The following MYO6 variants were observed in gnomAD, a reference collection of about 807,000 sequenced individuals.
MYO6 encodes unconventional myosin-VI.
A neutral mutation model predicts 178.7 loss-of-function variants in MYO6; 74 were observed. The observed-to-expected ratio is 0.41, with a 90% CI of 0.34 to 0.50. The LOEUF is 0.50. Ranked by LOEUF, MYO6 falls within the 20% of genes least tolerant of loss-of-function variation. MYO6 has a pLI of 0.09. For synonymous variants in MYO6, 477 were observed against 504.6 expected (o/e 0.95, Z 0.73); for missense variants, 1,330 against 1,547.4 (o/e 0.86, Z 2.36).
At chr6:75,851,439 T>G (rs948976769) in intron 11 of MYO6, among the ~76,000 whole-genome samples, 2 of 152,190 alleles carry the variant, frequency 1.3e-5, no homozygotes, top group African/African-American at 4.8e-5. Context: ...CCAAATGGTT[T>G]CTTTCTAATT....
At chr6:75,857,351 C>T in intron 13 of MYO6, 97 bp downstream of exon 13, 1 of 1,237,930 alleles carries the variant, frequency 8.1e-7, no homozygotes, top group Non-Finnish European at 1.2e-6. Flanking sequence ...ACTCATTTTA[C>T]TTGATGTATG....
chr6:75,783,702 G>A (rs1429539507), intron 1 of MYO6, among the ~76,000 whole-genome samples: 1 of 151,912 alleles, frequency 6.6e-6, no homozygotes, highest in Non-Finnish European at 1.5e-5. Flanking sequence ...CTTTATTAAT[G>A]CCTAGGATCC....
At chr6:75,789,749 A>G (rs1482967938) in intron 1 of MYO6, among the ~76,000 whole-genome samples, 1 of 152,192 alleles carries the variant, frequency 6.6e-6, no homozygotes. Flanking sequence ...TGTGGTAACA[A>G]CATTCAAAGT....
rs754218278 is a variant in MYO6 at position 75,784,776 on chromosome 6, C to CAAAAA, written c.-47-32702_-47-32698dup. 1.4e-3 allele frequency among the ~76,000 whole-genome samples: 75 copies of CAAAAA among 54,382 alleles called. 7 individuals carry two copies. Among genetic ancestry groups the CAAAAA allele is most frequent in the African/African-American group, 4.5e-3 (70 of 15,494 alleles). 35.7% of individuals were successfully genotyped at this position (54,382 alleles called of 152,430 possible). A position where few individuals can be genotyped will look rare whatever the true frequency, so the allele number is the denominator to read the frequency against. On this transcript the variant is annotated intron_variant, in intron 1 of 34. Transcript: ENST00000369977. ...TGGGCAACAGAGTGAGACTCCGTCT[C>CAAAAA]AAAAAAAAAAAAAAAAAAAAAAAAA...
Position 75,870,671 on chromosome 6 carries a change from A to G in MYO6, c.1969A>G (p.Lys657Glu). 6.2e-7 allele frequency: 1 copy of G among 1,612,338 alleles called. No homozygotes were observed. The highest frequency in any genetic ancestry group is 8.5e-7 in the Non-Finnish European group (1 of 1,179,238). Reference protein sequence around the residue: ...FKTQLNLLLDKLRSTGASFIR... With the variant: ...FKTQLNLLLDELRSTGASFIR... ...GACACAGTTAAATTTGCTTCTGGAT[A>G]AACTTCGAAGTACTGTGAGTATGCT... Residue 657 changes from lysine to glutamate, a missense_variant, in exon 19 of 35, where the codon AAA becomes GAA. Coordinates refer to ENST00000369977, the MANE Select transcript of MYO6 (RefSeq NM_004999.4).
intron 1 of MYO6, among the ~76,000 whole-genome samples, chr6:75,764,337 TCC>T (rs1242865992): frequency 6.6e-6 from 1 of 152,184 alleles, no homozygotes; most frequent in Non-Finnish European, 1.5e-5. Context: ...CCCAAACGTG[TCC>T]CCATTCTCCT....
chr6:75,816,608 G>A (rs533196460), intron 1 of MYO6, among the ~76,000 whole-genome samples: 1 of 152,164 alleles, frequency 6.6e-6, no homozygotes, highest in South Asian at 2.1e-4. Context: ...TTACCTCAGT[G>A]GAAAATAAGA....
At chr6:75,880,210 T>G (rs1777901223) in intron 22 of MYO6, 90 bp downstream of exon 22, 6 of 1,001,218 alleles carry the variant, frequency 6.0e-6, no homozygotes, top group Non-Finnish European at 9.0e-6. Context: ...ATAATTTGTA[T>G]TATTCTTGAA....
At chr6:75,910,893 C>G (rs1780709347) in intron 32 of MYO6, among the ~76,000 whole-genome samples, 1 of 151,948 alleles carries the variant, frequency 6.6e-6, no homozygotes, top group Admixed American at 6.6e-5. Flanking sequence ...AGGAACAATT[C>G]ATTAATTTGA....
chr6:75,861,931 C>T (rs1776244794), intron 15 of MYO6, among the ~76,000 whole-genome samples: 1 of 152,156 alleles, frequency 6.6e-6, no homozygotes, highest in Non-Finnish European at 1.5e-5. Context: ...TCACCTCATG[C>T]TACATCTATC....
At chr6:75,887,291 G>T (rs1380758225) in intron 25 of MYO6, among the ~76,000 whole-genome samples, 2 of 152,130 alleles carry the variant, frequency 1.3e-5, no homozygotes, top group Non-Finnish European at 2.9e-5. Flanking sequence ...ACCCACCATG[G>T]CACACGTTTA....
In MYO6 at chr6:75,778,472, C is replaced by T. The variant is rs188287949; in HGVS notation, c.-48+29049C>T. 7.4e-4 allele frequency among the ~76,000 whole-genome samples: 113 copies of T among 152,120 alleles called. 1 individual carries two copies. The East Asian group carries it at 0.019, about 26-fold the overall frequency. The stretch of plus-strand genomic sequence containing the variant: ...ATTAGCCGGGCGTGATGGCGGGCGC[C>T]TGTAGTCCCAGCTACTCAGGCGGCT... On this transcript the variant is annotated intron_variant, in intron 1 of 34. Transcript: ENST00000369977.
At chr6:75,781,955 G>A (rs956520439) in intron 1 of MYO6, among the ~76,000 whole-genome samples, 2 of 151,026 alleles carry the variant, frequency 1.3e-5, no homozygotes, top group African/African-American at 2.4e-5. Flanking sequence ...ATAAAGGAAT[G>A]GGGGGAGTGG....
intron 1 of MYO6, among the ~76,000 whole-genome samples, chr6:75,783,457 T>C (rs1380748958): frequency 1.3e-5 from 2 of 152,168 alleles, no homozygotes; most frequent in African/African-American, 4.8e-5. Context: ...TCTCTTCCGG[T>C]ATTTTGATGA....
At chr6:75,860,675 T>C (rs554625255) in intron 14 of MYO6, among the ~76,000 whole-genome samples, 33 of 152,344 alleles carry the variant, frequency 2.2e-4, no homozygotes, top group African/African-American at 7.9e-4. Flanking sequence ...CCATCTATGA[T>C]AAAATCCCTT....
At chr6:75,901,761 G>A (rs1050611896) in intron 30 of MYO6, among the ~76,000 whole-genome samples, 4 of 152,132 alleles carry the variant, frequency 2.6e-5, no homozygotes, top group African/African-American at 9.7e-5. Flanking sequence ...CCAACACTAT[G>A]TTGAATAGGA....
intron 1 of MYO6, among the ~76,000 whole-genome samples, chr6:75,801,235 G>A (rs916262902): frequency 3.3e-5 from 5 of 152,072 alleles, no homozygotes; most frequent in African/African-American, 1.2e-4. Flanking sequence ...ATGGCAGAAA[G>A]TGAAGGGGAA....
intron 14 of MYO6, 63 bp downstream of exon 14, chr6:75,859,056 G>A: frequency 1.8e-6 from 2 of 1,107,880 alleles, no homozygotes. Context: ...TTAAGGAAGA[G>A]ATATGCTGCA....
At chr6:75,886,678 A>G (rs1778462776) in intron 24 of MYO6, among the ~76,000 whole-genome samples, 166 bp from the exon 25 acceptor site, 1 of 152,206 alleles carries the variant, frequency 6.6e-6, no homozygotes, top group South Asian at 2.1e-4. Context: ...TGTCATTCAC[A>G]CTCATATTTG....
Sources: gnomAD v4.1 joint callset for allele counts (sites outside exome capture counted in the v4.1 genomes callset) on GRCh38, gnomAD v4.1.1 for gene constraint, MANE v1.5 for transcripts, NCBI Gene and HGNC (gene_info 2026-07-23, HGNC 2026-07-21) for gene names.